SGCD: variants seen among roughly 807,000 people sequenced by gnomAD.
The protein encoded by SGCD is sarcoglycan delta, also known as delta-sarcoglycan.
Under a neutral mutation model 36.6 loss-of-function variants are expected in SGCD, and 18 were observed. The ratio of observed to expected loss-of-function variants is 0.49; its 90% CI spans 0.34 to 0.73. The LOEUF (loss-of-function observed/expected upper bound fraction) is 0.73, where lower values mean the gene tolerates loss of function less well. SGCD is among the 30% of genes least tolerant of loss of function. The pLI is 0.01. For synonymous variants in SGCD, 133 were observed against 130.6 expected (o/e 1.02, Z -0.12); for missense variants, 387 against 346.7 (o/e 1.12, Z -0.92).
intron 4 of SGCD, among the ~76,000 whole-genome samples, chr5:156,527,360 G>T (rs1016018984): frequency 6.6e-6 from 1 of 152,206 alleles, no homozygotes; most frequent in African/African-American, 2.4e-5. Flanking sequence ...AGCATCCCAG[G>T]AGTTTGCTCT....
intron 5 of SGCD, among the ~76,000 whole-genome samples, chr5:156,594,502 GA>G (rs1456973689): frequency 6.6e-6 from 1 of 152,122 alleles, no homozygotes; most frequent in African/African-American, 2.4e-5. Context: ...CATTTCAGCT[GA>G]ATTTTAAAAA....
chr5:155,940,313 GCT>G (rs1757295922), intron 1 of SGCD, among the ~76,000 whole-genome samples: 8 of 151,996 alleles, frequency 5.3e-5, no homozygotes. Flanking sequence ...TGCTTTTCCA[GCT>G]CTGTTTCTTT....
chr5:156,171,847 C>A (rs1763353399), intron 3 of SGCD, among the ~76,000 whole-genome samples: 1 of 152,086 alleles, frequency 6.6e-6, no homozygotes, highest in South Asian at 2.1e-4. Context: ...TGAGAAGCAA[C>A]TGTGGGAGAA....
chr5:155,768,376 C>T, the SGCD span, among the ~76,000 whole-genome samples: 1 of 151,552 alleles, frequency 6.6e-6, no homozygotes, highest in African/African-American at 2.4e-5. Flanking sequence ...ATCCATGCAA[C>T]AAATGCCTGT....
chr5:156,413,855 A>G (rs200981036), intron 3 of SGCD, among the ~76,000 whole-genome samples: 1 of 148,716 alleles, frequency 6.7e-6, no homozygotes, highest in Non-Finnish European at 1.5e-5. Flanking sequence ...TTTTTTTTTT[A>G]TTTTTGGAGT....
intron 3 of SGCD, among the ~76,000 whole-genome samples, chr5:156,229,276 A>ATATATATATATATATATATATATATG (rs1561574916): frequency 2.3e-5 from 1 of 44,002 alleles, no homozygotes; most frequent in East Asian, 2.1e-3. Flanking sequence ...ATATATACAT[A>ATATATATATATATATATATATATATG]CATATATATA....
intron 3 of SGCD, among the ~76,000 whole-genome samples, chr5:156,197,696 A>AT (rs898857726): frequency 7.9e-5 from 12 of 151,878 alleles, no homozygotes; most frequent in Non-Finnish European, 1.3e-4. Context: ...ATTACATGTG[A>AT]TTTTTTTGCC....
chr5:156,451,662 G>T (rs984269263), intron 3 of SGCD, among the ~76,000 whole-genome samples: 2 of 152,136 alleles, frequency 1.3e-5, no homozygotes, highest in African/African-American at 4.8e-5. Context: ...GAAGACAAAA[G>T]TTATGAAATA....
At chr5:156,479,606 G>A (rs535341363) in intron 3 of SGCD, among the ~76,000 whole-genome samples, 1 of 152,252 alleles carries the variant, frequency 6.6e-6, no homozygotes, top group South Asian at 2.1e-4. Flanking sequence ...TCCTACCCCT[G>A]TGGCATCTTA....
intron 1 of SGCD, among the ~76,000 whole-genome samples, chr5:155,998,937 A>C (rs542199951): frequency 2.0e-5 from 3 of 152,334 alleles, no homozygotes; most frequent in Admixed American, 2.0e-4. Context: ...TCTTATTTGC[A>C]GTATGGGATC....
At chr5:156,149,459 T>C (rs189522256) in intron 3 of SGCD, among the ~76,000 whole-genome samples, 167 of 152,336 alleles carry the variant, frequency 1.1e-3, no homozygotes, top group Non-Finnish European at 7.2e-4. Flanking sequence ...GCATCATCCC[T>C]GAACTAATGT....
chr5:156,054,349 G>C (rs933663893), intron 1 of SGCD, among the ~76,000 whole-genome samples: 1 of 135,926 alleles, frequency 7.4e-6, no homozygotes. Context: ...GCAGTGGCGC[G>C]ATCTCGGCTC....
chr5:155,985,424 G>A (rs1025691487), intron 1 of SGCD, among the ~76,000 whole-genome samples: 5 of 152,026 alleles, frequency 3.3e-5, no homozygotes, highest in African/African-American at 7.3e-5. Context: ...TCCCTTCTGC[G>A]TCGTCCTCTA....
At chr5:155,899,806 T>C (rs1159131145) in intron 1 of SGCD, among the ~76,000 whole-genome samples, 1 of 152,174 alleles carries the variant, frequency 6.6e-6, no homozygotes, top group African/African-American at 2.4e-5. Flanking sequence ...GGAGAGCTAT[T>C]GTAAATACAA....
chr5:156,485,889 G>C (rs1755634885), intron 3 of SGCD, among the ~76,000 whole-genome samples: 1 of 152,086 alleles, frequency 6.6e-6, no homozygotes, highest in Non-Finnish European at 1.5e-5. Context: ...CCAGTGCAGA[G>C]AAAAGGTGAG....
At chr5:156,450,556 A>C (rs996203919) in intron 3 of SGCD, among the ~76,000 whole-genome samples, 2 of 151,230 alleles carry the variant, frequency 1.3e-5, no homozygotes, top group South Asian at 4.2e-4. Context: ...AAAAGAAAAG[A>C]AAAAAAAGTT....
At chr5:156,671,034 A>G (rs534504548) in intron 7 of SGCD, among the ~76,000 whole-genome samples, 2 of 151,642 alleles carry the variant, frequency 1.3e-5, no homozygotes, top group African/African-American at 4.8e-5. Context: ...TCCTGCTGTC[A>G]TATTTTAATT....
At chr5:155,855,359 AT>A in the SGCD span, among the ~76,000 whole-genome samples, 5 of 152,172 alleles carry the variant, frequency 3.3e-5, no homozygotes, top group African/African-American at 1.2e-4. Flanking sequence ...ATGATAGAGA[AT>A]TTGTTTGATA....
At chr5:156,653,713 A>G (rs1000916803) in intron 7 of SGCD, among the ~76,000 whole-genome samples, 1 of 151,916 alleles carries the variant, frequency 6.6e-6, no homozygotes, top group Non-Finnish European at 1.5e-5. Context: ...ATGGTGCCAC[A>G]TATTACTCCA....
Sources: allele counts gnomAD v4.1 joint callset (sites outside exome capture counted in the v4.1 genomes callset), GRCh38; gene constraint gnomAD v4.1.1; transcripts MANE v1.5; gene names NCBI Gene and HGNC (gene_info 2026-07-23, HGNC 2026-07-21).